PARD3: variants seen among roughly 807,000 people sequenced by gnomAD.
The protein encoded by PARD3 is partitioning defective 3 homolog.
In PARD3, 75 loss-of-function variants were observed where a neutral mutation model predicts 155.4. That is an observed-to-expected ratio of 0.48 (90% CI 0.40 to 0.58). The LOEUF is 0.58. Among genes scored for constraint, PARD3 ranks in the 20% least tolerant of loss-of-function variants. The pLI, the probability that PARD3 is intolerant of heterozygous loss-of-function variation, is 0.00. For missense variants in PARD3, 1,642 were observed against 1,721.7 expected (o/e 0.95, Z 0.82); for synonymous variants, 576 against 610.5 (o/e 0.94, Z 0.83).
rs113711668 is a variant in PARD3 at position 34,387,321 on chromosome 10, A to G, written c.891-3067T>C. 1.6e-3 allele frequency among the ~76,000 whole-genome samples: 237 copies of G among 152,358 alleles called. 2 individuals carry two copies. The highest frequency in any genetic ancestry group is 5.4e-3 in the African/African-American group (226 of 41,588). ...AATGGAAATTACTTAGCAGTTAATT[A>G]GCACCGATCATTTATTTAAATTTAT... is the stretch of plus-strand genomic sequence containing the variant. On this transcript the variant is annotated intron_variant, in intron 7 of 24. Coordinates refer to ENST00000374788, the MANE Select transcript of PARD3 (RefSeq NM_001184785.2).
intron 1 of PARD3, among the ~76,000 whole-genome samples, chr10:34,701,703 T>G (rs1342208603): frequency 6.6e-6 from 1 of 152,002 alleles, no homozygotes. Context: ...CAGACTAGTC[T>G]GGGGAACGTA....
intron 2 of PARD3, among the ~76,000 whole-genome samples, chr10:34,556,046 A>G (rs757811840): frequency 2.0e-5 from 3 of 152,242 alleles, no homozygotes; most frequent in Admixed American, 6.5e-5. Flanking sequence ...ACAAACTGTA[A>G]CAAGGAAATA....
intron 5 of PARD3, among the ~76,000 whole-genome samples, chr10:34,435,542 G>C (rs543289836): frequency 1.2e-4 from 18 of 152,172 alleles, no homozygotes; most frequent in Admixed American, 4.6e-4. Context: ...AATATCTGTT[G>C]ACTAAGCCCC....
At chr10:34,410,100 C>G (rs180804388) in intron 5 of PARD3, among the ~76,000 whole-genome samples, 1 of 152,210 alleles carries the variant, frequency 6.6e-6, no homozygotes, top group African/African-American at 2.4e-5. Context: ...ACTAGGTGCT[C>G]AACACCACCC....
Position 34,765,488 on chromosome 10 carries a change from G to A in PARD3, c.120+49388C>T, listed in dbSNP as rs537157536. Among the ~76,000 whole-genome samples, 18 of 152,070 alleles carry A rather than the reference G, an allele frequency of 1.2e-4. No individual in the cohort carries two copies. The East Asian group carries it at 1.9e-3, about 16-fold the overall frequency. On this transcript the variant is annotated intron_variant, in intron 1 of 24. Transcript: ENST00000374788. ...AGGTCAGGAATTTGAGACCACCCTG[G>A]CCCACATGGTGAAACCCCGTCTCTA...
intron 2 of PARD3, among the ~76,000 whole-genome samples, chr10:34,571,832 G>A (rs1353077138): frequency 6.6e-6 from 1 of 152,100 alleles, no homozygotes; most frequent in Non-Finnish European, 1.5e-5. Context: ...ATTTGATGTT[G>A]CACCGCTTTC....
intron 1 of PARD3, among the ~76,000 whole-genome samples, chr10:34,704,224 T>A (rs1157403574): frequency 2.0e-5 from 3 of 152,174 alleles, no homozygotes; most frequent in African/African-American, 7.2e-5. Context: ...TAAGGCTAAT[T>A]AGTTATAAAT....
chr10:34,495,285 A>G (rs1342470905), intron 3 of PARD3, among the ~76,000 whole-genome samples: 1 of 152,180 alleles, frequency 6.6e-6, no homozygotes, highest in Non-Finnish European at 1.5e-5. Context: ...ACACCTGCCA[A>G]GTAAGACCTC....
intron 20 of PARD3, among the ~76,000 whole-genome samples, chr10:34,294,055 G>T (rs1413758892): frequency 1.3e-5 from 2 of 149,766 alleles, no homozygotes; most frequent in African/African-American, 5.0e-5. Flanking sequence ...GGAAAAGGTG[G>T]AATGATATTT....
chr10:34,782,414 A>C (rs1017005147), intron 1 of PARD3, among the ~76,000 whole-genome samples: 1 of 152,216 alleles, frequency 6.6e-6, no homozygotes, highest in African/African-American at 2.4e-5. Context: ...AACCAGCCTT[A>C]GGGCACATCA....
intron 5 of PARD3, among the ~76,000 whole-genome samples, chr10:34,402,289 A>G (rs1843968824): frequency 6.6e-6 from 1 of 152,220 alleles, no homozygotes. Flanking sequence ...ATTGATAAAC[A>G]AATATACATG....
rs1342560754 is a variant in PARD3 at position 34,345,717 on chromosome 10, T to C, written c.2218+2248A>G. On this transcript the variant is annotated intron_variant, in intron 15 of 24. Coordinates refer to ENST00000374788, the MANE Select transcript of PARD3 (RefSeq NM_001184785.2). ...TCAGAAACGGTGTGATTTGTCAAGT[T>C]TCCTAATTTTTTTGCCCCATACCTC... 7 of 985,304 alleles carry C rather than the reference T, an allele frequency of 7.1e-6. No homozygotes were observed. The East Asian group carries it at 7.9e-4, about 112-fold the overall frequency. 61.0% of individuals were successfully genotyped at this position (985,304 alleles called of 1,614,324 possible). A position where few individuals can be genotyped will look rare whatever the true frequency, so the allele number is the denominator to read the frequency against.
intron 22 of PARD3, among the ~76,000 whole-genome samples, chr10:34,145,222 T>TATATA (rs1491495958): frequency 1.7e-4 from 7 of 40,160 alleles, no homozygotes; most frequent in African/African-American, 6.8e-4. Context: ...TATATATATA[T>TATATA]TTTTTTTTTT....
intron 1 of PARD3, among the ~76,000 whole-genome samples, chr10:34,784,492 T>C (rs1391328234): frequency 3.3e-5 from 5 of 151,430 alleles, no homozygotes; most frequent in African/African-American, 1.2e-4. Flanking sequence ...CAGGCTGGAG[T>C]GCAGTGGTGT....
chr10:34,158,601 C>T (rs1949126156), intron 22 of PARD3, among the ~76,000 whole-genome samples: 1 of 152,134 alleles, frequency 6.6e-6, no homozygotes, highest in Non-Finnish European at 1.5e-5. Context: ...GAAACCGGGT[C>T]CCAAGCCCTG....
chr10:34,482,116 C>T (rs547390047), intron 3 of PARD3, among the ~76,000 whole-genome samples: 2 of 142,044 alleles, frequency 1.4e-5, no homozygotes, highest in South Asian at 4.6e-4. Context: ...CTCACTGCAT[C>T]CTTGAGCTCC....
chr10:34,758,266 G>T (rs1836997905), intron 1 of PARD3, among the ~76,000 whole-genome samples: 1 of 152,124 alleles, frequency 6.6e-6, no homozygotes, highest in African/African-American at 2.4e-5. Context: ...ATTTCCACAT[G>T]CCACTGCTAT....
At chr10:34,156,693 G>T (rs1212891480) in intron 22 of PARD3, among the ~76,000 whole-genome samples, 1 of 152,186 alleles carries the variant, frequency 6.6e-6, no homozygotes, top group Non-Finnish European at 1.5e-5. Context: ...GAGCGCGGCT[G>T]CTGGCACTGT....
At chr10:34,425,081 G>A (rs1041154719) in intron 5 of PARD3, among the ~76,000 whole-genome samples, 1 of 151,676 alleles carries the variant, frequency 6.6e-6, no homozygotes, top group Non-Finnish European at 1.5e-5. Context: ...TCATGACCAA[G>A]ACCACTTTTT....
Sources: gnomAD v4.1 joint callset for allele counts (sites outside exome capture counted in the v4.1 genomes callset) on GRCh38, gnomAD v4.1.1 for gene constraint, MANE v1.5 for transcripts, NCBI Gene and HGNC (gene_info 2026-07-23, HGNC 2026-07-21) for gene names.